Variants in RAVER2 observed in about 807,000 individuals in gnomAD.
The protein encoded by RAVER2 is ribonucleoprotein, PTB binding 2.
RAVER2 carries 46 observed loss-of-function variants against 78.1 expected under a neutral mutation model. The ratio of observed to expected loss-of-function variants is 0.59; its 90% CI spans 0.46 to 0.75. RAVER2 has a LOEUF of 0.75. Among genes scored for constraint, RAVER2 ranks in the 30% least tolerant of loss-of-function variants. RAVER2 has a pLI of 0.00. For missense variants in RAVER2, 793 were observed against 837.5 expected (o/e 0.95, Z 0.66); for synonymous variants, 311 against 313.3 (o/e 0.99, Z 0.08).
chr1:64,768,681 A>T (rs763761525), exon 2 of RAVER2: 1 of 1,561,286 alleles, frequency 6.4e-7, no homozygotes, highest in Middle Eastern at 1.7e-4. Context: ...TTAAAAGACT[A>T]TGACTTAAAA....
intron 11 of RAVER2, among the ~76,000 whole-genome samples, chr1:64,829,015 T>C (rs965405502): frequency 2.6e-5 from 4 of 152,242 alleles, no homozygotes; most frequent in African/African-American, 7.2e-5. Context: ...TTTCATTTCC[T>C]GTTCTAATAT....
chr1:64,792,995 G>A (rs980166405), intron 5 of RAVER2, among the ~76,000 whole-genome samples: 1 of 152,126 alleles, frequency 6.6e-6, no homozygotes, highest in Admixed American at 6.5e-5. Context: ...CTGAGGTCAG[G>A]AGTTCAAGAC....
exon 12 of RAVER2, chr1:64,832,237 A>AGTC (rs1254953858): frequency 6.6e-6 from 1 of 152,628 alleles, no homozygotes; most frequent in African/African-American, 2.4e-5. Flanking sequence ...AGTCTTAAGG[A>AGTC]GTCACAGTAT....
chr1:64,830,929 C>T lies in RAVER2; in HGVS notation c.2020C>T (p.Gln674Ter), dbSNP rs1464018130. 2 of 1,613,836 alleles carry T rather than the reference C, an allele frequency of 1.2e-6. No individual in the cohort carries two copies. The highest frequency in any genetic ancestry group is 8.5e-7 in the Non-Finnish European group (1 of 1,179,824). The change falls in exon 12 of 12, where the codon CAG becomes TAG. Residue 674 changes from glutamine (Q) to a stop codon, truncating the protein, a stop_gained. Transcript: ENST00000294428. LOFTEE classifies it high-confidence loss of function. ...AGTGGAATGTGTTGACCAGCATTCT[C>T]AGGGCACAGGAGCATATTACATGGA...
At chr1:64,753,755 C>T (rs1044994629) in intron 1 of RAVER2, among the ~76,000 whole-genome samples, 3 of 152,060 alleles carry the variant, frequency 2.0e-5, no homozygotes, top group African/African-American at 7.2e-5. Context: ...AACTCCTGAC[C>T]TTGTGATCTG....
chr1:64,748,048 A>G (rs1238618221), intron 1 of RAVER2, among the ~76,000 whole-genome samples: 1 of 152,162 alleles, frequency 6.6e-6, no homozygotes, highest in African/African-American at 2.4e-5. Flanking sequence ...GCATCCCACA[A>G]CTTTATAGTT....
At chr1:64,777,493 T>C in intron 2 of RAVER2, 130 bp from the exon 3 acceptor site, 3 of 695,462 alleles carry the variant, frequency 4.3e-6, no homozygotes, top group Non-Finnish European at 4.7e-6. Flanking sequence ...ATAGTAGGGG[T>C]ATTAACTTAT....
chr1:64,803,536 G>A (rs920208070), intron 6 of RAVER2, among the ~76,000 whole-genome samples: 2 of 151,996 alleles, frequency 1.3e-5, no homozygotes, highest in African/African-American at 2.4e-5. Flanking sequence ...TTAAATGTCT[G>A]TAATATTAGA....
At chr1:64,803,037 T>C in exon 6 of RAVER2, 1 of 1,604,248 alleles carries the variant, frequency 6.2e-7, no homozygotes. Context: ...CTCCTGCATT[T>C]TTACATTTGA....
chr1:64,751,008 T>C (rs1284333852), intron 1 of RAVER2, among the ~76,000 whole-genome samples: 1 of 152,214 alleles, frequency 6.6e-6, no homozygotes, highest in Admixed American at 6.5e-5. Context: ...TCTTGAAAAG[T>C]GTTTGAGAAA....
At chr1:64,808,793 T>C (rs1653519774) in intron 9 of RAVER2, among the ~76,000 whole-genome samples, 1 of 152,166 alleles carries the variant, frequency 6.6e-6, no homozygotes, top group Non-Finnish European at 1.5e-5. Flanking sequence ...TTTTAAAAAT[T>C]TATCTGCAGT....
At chr1:64,821,406 A>G (rs994629199) in intron 11 of RAVER2, among the ~76,000 whole-genome samples, 1 of 152,094 alleles carries the variant, frequency 6.6e-6, no homozygotes, top group African/African-American at 2.4e-5. Context: ...ATTAGATTCC[A>G]CTTGTCAATT....
At chr1:64,785,640 A>T (rs1652759109) in intron 4 of RAVER2, among the ~76,000 whole-genome samples, 1 of 152,104 alleles carries the variant, frequency 6.6e-6, no homozygotes, top group Non-Finnish European at 1.5e-5. Context: ...AAGTGCTGGG[A>T]TTACAGGAGT....
intron 1 of RAVER2, among the ~76,000 whole-genome samples, chr1:64,763,117 G>A (rs1430631856): frequency 2.6e-5 from 4 of 151,926 alleles, no homozygotes; most frequent in African/African-American, 9.7e-5. Flanking sequence ...AGACCATCCT[G>A]GCTAACACGG....
chr1:64,745,996 C>T lies in RAVER2; in HGVS notation c.249+575C>T, dbSNP rs1651525889. On this transcript the variant is annotated intron_variant, in intron 1 of 11. Coordinates refer to ENST00000294428, the Ensembl canonical transcript of RAVER2. This position sits in a 1 kb window ranked among gnomAD's most constrained non-coding sequence, Gnocchi z 4.3. ...GCCCCAGAATAGAGTTATTGCTGCG[C>T]TCCTTGGAGCCTTGCAGCCGCCTCC... Among the ~76,000 whole-genome samples the T allele has an allele frequency of 1.3e-5, 2 of 152,248 alleles. No individual in the cohort carries two copies. The highest frequency in any genetic ancestry group is 2.9e-5 in the Non-Finnish European group (2 of 68,042).
At chr1:64,767,419 C>T (rs145377405) in intron 1 of RAVER2, among the ~76,000 whole-genome samples, 1 of 152,098 alleles carries the variant, frequency 6.6e-6, no homozygotes, top group East Asian at 1.9e-4. Context: ...GCTATATGTC[C>T]TTGGCAACTT....
chr1:64,751,948 C>T (rs1386059162), intron 1 of RAVER2, among the ~76,000 whole-genome samples: 3 of 152,112 alleles, frequency 2.0e-5, no homozygotes, highest in Non-Finnish European at 4.4e-5. Flanking sequence ...ACACAATTGC[C>T]TGACTCTAAG....
intron 1 of RAVER2, among the ~76,000 whole-genome samples, chr1:64,749,586 A>G (rs1570520283): frequency 6.6e-6 from 1 of 152,222 alleles, no homozygotes; most frequent in Admixed American, 6.5e-5. Flanking sequence ...TGTGAATTGA[A>G]TATTTATAGT....
chr1:64,828,048 C>G (rs531833601), intron 11 of RAVER2, among the ~76,000 whole-genome samples: 1 of 152,242 alleles, frequency 6.6e-6, no homozygotes, highest in East Asian at 1.9e-4. Flanking sequence ...CTGCCTTTCT[C>G]CTGGAAGGGT....
Sources: allele counts gnomAD v4.1 joint callset (sites outside exome capture counted in the v4.1 genomes callset), GRCh38; gene constraint gnomAD v4.1.1; non-coding constraint Gnocchi (gnomAD v3.1); transcripts MANE v1.5; gene names NCBI Gene and HGNC (gene_info 2026-07-23, HGNC 2026-07-21).